The following AQR variants were observed in gnomAD, a reference collection of about 807,000 sequenced individuals.
AQR encodes aquarius intron-binding spliceosomal factor, also known as RNA helicase aquarius.
In AQR, 61 loss-of-function variants were observed where a neutral mutation model predicts 180.5. The observed-to-expected ratio is 0.34, with a 90% CI of 0.28 to 0.42. The LOEUF is 0.42. Ranked by LOEUF, AQR falls within the 10% of genes least tolerant of loss-of-function variation. AQR has a pLI of 1.00. For missense variants in AQR, 1,281 were observed against 1,798.3 expected, an observed-to-expected ratio of 0.71 and a Z score of 5.20; for synonymous variants, 551 against 588.8, an observed-to-expected ratio of 0.94 and a Z score of 0.93.
At position 34,926,969 on chromosome 15, in the gene AQR, A is replaced by G. The variant is rs1395236489; in HGVS notation, c.1118+66T>C. 5.0e-6 allele frequency: 5 copies of G among 991,134 alleles called. No individual in the cohort carries two copies. The Admixed American group carries it at 7.8e-5, about 15-fold the overall frequency. 61.4% of individuals were successfully genotyped at this position (991,134 alleles called of 1,614,324 possible). ...GTACTGCAAAATGATTAAAAGCAAT[A>G]AAGAAAAGTAAAATTGAGGGAGCAT... On this transcript the variant is annotated intron_variant, in intron 13 of 34. Coordinates refer to ENST00000156471, the MANE Select transcript of AQR (RefSeq NM_014691.3).
rs1197514933 is a variant in AQR, at chr15:34,862,949, A to G, written c.3947T>C (p.Leu1316Pro). 6.2e-7 allele frequency: 1 copy of G among 1,613,928 alleles called. No homozygotes were observed. Among genetic ancestry groups the G allele is most frequent in the East Asian group, 2.2e-5 (1 of 44,866 alleles). ...RVSLFQNCFE[L>P]TPAFSQLTAR... ...TGTGAGCTGACTGAAAGCTGGAGTCAGTTCAAAACAGTTTTGGAAGAGGGA... is the reference window on the plus strand; with the variant it reads ...TGTGAGCTGACTGAAAGCTGGAGTCGGTTCAAAACAGTTTTGGAAGAGGGA... Residue 1316 changes from leucine (L) to proline (P), a missense_variant, in exon 33 of 35, where the codon CTG (leucine) becomes CCG (proline). Leu to Pro is a moderately conservative substitution (Grantham distance 98, BLOSUM62 -3). This residue lies in a region of AQR where 197 missense variants were observed against 320.7 expected (regional missense o/e 0.61). Transcript: ENST00000156471.
In AQR at chr15:34,932,336, A is replaced by G. The variant is rs945960670; in HGVS notation, c.882T>C (p.Asp294=). 8.1e-6 allele frequency: 13 copies of G among 1,612,642 alleles called. No homozygotes were observed. The highest frequency in any genetic ancestry group is 2.2e-5 in the East Asian group (1 of 44,856). ...YLSNLVRREE[D]GHLFSQLLDM... ...TATTCACCTGGGAAAAAAGATGGCCATCCTCTTCTCTACGAACAAGATTGG... is the reference window on the plus strand; with the variant it reads ...TATTCACCTGGGAAAAAAGATGGCCGTCCTCTTCTCTACGAACAAGATTGG... The change falls in exon 11 of 35, where the codon GAT becomes GAC. Residue 294 remains aspartate (D), a synonymous_variant. Coordinates refer to ENST00000156471, the MANE Select transcript of AQR (RefSeq NM_014691.3).
chr15:34,858,320 C>CAAAAAAAAAAAAAAAAA (rs57627687), intron 34 of AQR, among the ~76,000 whole-genome samples: 1 of 86,090 alleles, frequency 1.2e-5, no homozygotes, highest in Non-Finnish European at 2.3e-5. Context: ...ACGACAGCAG[C>CAAAAAAAAAAAAAAAAA]AAAAAAAAAA....
At position 34,884,527 on chromosome 15, in the gene AQR, C is replaced by T. The variant is rs1310942988; in HGVS notation, c.3025G>A (p.Glu1009Lys). Residue 1009 changes from glutamate to lysine, a missense_variant and splice_region_variant, in exon 26 of 35, where the codon GAG (glutamate) becomes AAG (lysine). Around this residue, in one of 9 missense-constraint regions of AQR, gnomAD observed 125 missense variants for 185.0 expected, o/e 0.68. Transcript: ENST00000156471. Reference protein sequence around the residue: ...RHIKKIFTQLEEFRASELLRS... With the variant: ...RHIKKIFTQLKEFRASELLRS... ...TCAAAGAACTTGAGAATCCTTACCT[C>T]AAGCTGCGTAAAGATTTTCTTAATA... 2.5e-6 allele frequency: 4 copies of T among 1,583,510 alleles called. No homozygotes were observed. The highest frequency in any genetic ancestry group is 1.4e-5 in the African/African-American group (1 of 72,572).
chr15:34,921,288 G>A (rs1195415654), intron 13 of AQR, among the ~76,000 whole-genome samples: 4 of 151,654 alleles, frequency 2.6e-5, no homozygotes, highest in African/African-American at 4.8e-5. Context: ...ACGAAAATTA[G>A]CCAGGCGTGG....
chr15:34,897,449 A>C, intron 21 of AQR, 110 bp downstream of exon 21: 2 of 1,268,886 alleles, frequency 1.6e-6, no homozygotes, highest in South Asian at 2.7e-5. Flanking sequence ...GTTCAGAAAC[A>C]GGAGTTTTGT....
At chr15:34,955,676 G>C (rs554685961) in intron 3 of AQR, among the ~76,000 whole-genome samples, 1 of 152,146 alleles carries the variant, frequency 6.6e-6, no homozygotes, top group Non-Finnish European at 1.5e-5. Context: ...GGGAGGCCGA[G>C]GCATACAGAT....
At position 34,967,266 on chromosome 15, in the gene AQR, C is replaced by A. The variant is rs370625766; in HGVS notation, c.75+2273G>T. Among the ~76,000 whole-genome samples, 22 of 152,256 alleles carry A rather than the reference C, an allele frequency of 1.4e-4. No individual in the cohort carries two copies. In the East Asian group the frequency reaches 3.1e-3, roughly 21 times the overall value. On this transcript the variant is annotated intron_variant, in intron 1 of 34. Coordinates refer to ENST00000156471, the MANE Select transcript of AQR (RefSeq NM_014691.3). ...ATTTCCTTGCTCTTCTCAAAACTGG[C>A]TCCTTCTTTGCATTCAGGTGTTAGC...
At chr15:34,924,494 C>T (rs1462631333) in intron 13 of AQR, among the ~76,000 whole-genome samples, 5 of 151,518 alleles carry the variant, frequency 3.3e-5, no homozygotes, top group Non-Finnish European at 7.4e-5. Context: ...TGCAGTGGCA[C>T]GATCTTGGCT....
At chr15:34,906,807 TG>T in intron 17 of AQR, 95 bp from the exon 18 acceptor site, 1 of 1,192,512 alleles carries the variant, frequency 8.4e-7, no homozygotes, top group Non-Finnish European at 1.2e-6. Context: ...CTCTTATCTT[TG>T]GTAGAGAGAT....
At chr15:34,882,664 G>T (rs1430891516) in intron 26 of AQR, 25 bp from the exon 27 acceptor site, 1 of 1,586,526 alleles carries the variant, frequency 6.3e-7, no homozygotes, top group East Asian at 2.3e-5. Context: ...AGCAATGAAA[G>T]ATAATTTTAG....
chr15:34,922,422 G>A (rs550907223), intron 13 of AQR, among the ~76,000 whole-genome samples: 3 of 152,182 alleles, frequency 2.0e-5, no homozygotes, highest in African/African-American at 7.2e-5. Flanking sequence ...TTAAGTTCAT[G>A]TTTACCTTTA....
At position 34,882,542 on chromosome 15, in the gene AQR, G is replaced by A; in HGVS notation, c.3125C>T (p.Ala1042Val). 1 of 1,601,678 alleles carries A rather than the reference G, an allele frequency of 6.2e-7. No homozygotes were observed. The highest frequency in any genetic ancestry group is 1.7e-5 in the Admixed American group (1 of 59,272). ...GACCAAGTCATGTCGTTTTAAGGCA[G>A]CATGAGTACAGGTCATAGCAATAAT... ...AKIIAMTCTH[A>V]ALKRHDLVKL... Residue 1042 changes from alanine (A) to valine (V), a missense_variant, in exon 27 of 35, where the codon GCT becomes GTT. This residue lies in a region of AQR where 125 missense variants were observed against 185.0 expected (regional missense o/e 0.68). Transcript: ENST00000156471.
chr15:34,969,140 A>C (rs2050329817), intron 1 of AQR, among the ~76,000 whole-genome samples: 1 of 152,164 alleles, frequency 6.6e-6, no homozygotes, highest in African/African-American at 2.4e-5. Flanking sequence ...AGGACCAGGA[A>C]AAAGCCTACT....
intron 6 of AQR, chr15:34,943,486 T>G: frequency 2.1e-6 from 1 of 481,702 alleles, no homozygotes; most frequent in Non-Finnish European, 3.2e-6. Flanking sequence ...TAAATAAAAA[T>G]AAATGTTAAA....
chr15:34,892,710 T>G (rs185256359), intron 23 of AQR, among the ~76,000 whole-genome samples: 1 of 152,300 alleles, frequency 6.6e-6, no homozygotes, highest in African/African-American at 2.4e-5. Flanking sequence ...CACCATAGCT[T>G]AGCCTAGCCT....
intron 8 of AQR, 120 bp downstream of exon 8, chr15:34,940,776 CTTA>C (rs1894011376): frequency 2.7e-6 from 2 of 743,496 alleles, no homozygotes; most frequent in South Asian, 1.6e-5. Flanking sequence ...GGTAAAAGCA[CTTA>C]TTATAATAAT....
At chr15:34,910,378 T>C (rs1893482113) in intron 16 of AQR, 65 bp from the exon 17 acceptor site, 1 of 1,540,584 alleles carries the variant, frequency 6.5e-7, no homozygotes, top group Non-Finnish European at 8.9e-7. Context: ...TTTAGACAAG[T>C]TAAAACTAGT....
In AQR at chr15:34,883,680, T is replaced by C. The variant is rs113947326; in HGVS notation, c.3027+845A>G. Among the ~76,000 whole-genome samples the C allele has an allele frequency of 8.5e-3, 1,300 of 152,302 alleles. 19 individuals carry two copies. Among genetic ancestry groups the C allele is most frequent in the African/African-American group, 0.03 (1,239 of 41,572 alleles). The stretch of plus-strand genomic sequence containing the variant: ...ACCTTTCTACCTGAAAGTGTAATCC[T>C]AAATTTTCTTACTGAGGAGTCTGAG... On this transcript the variant is annotated intron_variant, in intron 26 of 34. Coordinates refer to ENST00000156471, the MANE Select transcript of AQR (RefSeq NM_014691.3).
Sources: gnomAD v4.1 joint callset for allele counts (sites outside exome capture counted in the v4.1 genomes callset) on GRCh38, gnomAD v4.1.1 for gene constraint, gnomAD v4.1.1 regional missense constraint, MANE v1.5 for transcripts, NCBI Gene and HGNC (gene_info 2026-07-23, HGNC 2026-07-21) for gene names.